Variants in CTNNA1 observed in about 807,000 individuals in gnomAD.
The protein encoded by CTNNA1 is catenin alpha-1.
In CTNNA1, 37 loss-of-function variants were observed where a neutral mutation model predicts 98.4. That is an observed-to-expected ratio of 0.38 (90% CI 0.29 to 0.49). The LOEUF is 0.49. CTNNA1 is among the 20% of genes least tolerant of loss of function. CTNNA1 has a pLI of 0.95. For missense variants in CTNNA1, 761 were observed against 1,147.2 expected (o/e 0.66, Z 4.86); for synonymous variants, 404 against 413.2 (o/e 0.98, Z 0.27).
chr5:138,932,376 G>A lies in CTNNA1; in HGVS notation c.2299-202G>A, dbSNP rs138115380. On this transcript the variant is annotated intron_variant, in intron 16 of 17. Coordinates refer to ENST00000302763, the MANE Select transcript of CTNNA1 (RefSeq NM_001903.5). ...GCGGCGCAGTCAGGGTCCCATGGAC[G>A]ACTTCCATCAGCTCACCCGCCTCCA... The A allele has an allele frequency of 1.9e-4, 266 of 1,405,050 alleles. 1 individual carries two copies. In the African/African-American group the frequency reaches 3.4e-3, roughly 18 times the overall value. The allele number at this position is 1,405,050 out of a possible 1,614,324, so 87.0% of individuals were successfully genotyped here.
intron 10 of CTNNA1, among the ~76,000 whole-genome samples, chr5:138,908,153 T>A (rs957567585): frequency 1.1e-4 from 17 of 152,040 alleles, no homozygotes; most frequent in Non-Finnish European, 1.8e-4. Context: ...AATTTTTGTA[T>A]TTTTTAGTAG....
chr5:138,903,895 T>C (rs28363458), intron 9 of CTNNA1, among the ~76,000 whole-genome samples: 1 of 152,346 alleles, frequency 6.6e-6, no homozygotes, highest in African/African-American at 2.4e-5. Flanking sequence ...AAGCATCTAT[T>C]CCCTGTCAAA....
intron 1 of CTNNA1, among the ~76,000 whole-genome samples, chr5:138,756,500 AACAG>A (rs1561489975): frequency 6.6e-6 from 1 of 152,134 alleles, no homozygotes; most frequent in African/African-American, 2.4e-5. Context: ...TGTGGGGCAT[AACAG>A]ACAGCCCTGA....
chr5:138,934,033 A>C lies in CTNNA1; in HGVS notation c.2665A>C (p.Lys889Gln), dbSNP rs1766015674. Residue 889 changes from lysine (K) to glutamine (Q), a missense_variant, in exon 18 of 18, where the codon AAG becomes CAG. Coordinates refer to ENST00000302763, the MANE Select transcript of CTNNA1 (RefSeq NM_001903.5). ...QTKIKRASQK[K>Q]HVNPVQALSE... Reference sequence around the variant, plus strand: ...CAAGATTAAACGGGCATCTCAGAAGAAGCACGTGAACCCGGTGCAGGCCCT... The same window carrying C: ...CAAGATTAAACGGGCATCTCAGAAGCAGCACGTGAACCCGGTGCAGGCCCT... 11 of 1,613,916 alleles carry C rather than the reference A, an allele frequency of 6.8e-6. No individual in the cohort carries two copies. The highest frequency in any genetic ancestry group is 1.3e-5 in the African/African-American group (1 of 74,898).
intron 1 of CTNNA1, among the ~76,000 whole-genome samples, chr5:138,780,744 G>A (rs1250723639): frequency 1.3e-5 from 2 of 151,286 alleles, no homozygotes; most frequent in East Asian, 3.9e-4. Context: ...TCGAACTCCC[G>A]ACCTCAGGTG....
chr5:138,875,557 G>T, intron 7 of CTNNA1: 1 of 985,466 alleles, frequency 1.0e-6, no homozygotes, highest in Non-Finnish European at 1.2e-6. Flanking sequence ...GCAGCAGTGA[G>T]GTTGTAATAA....
chr5:138,820,101 A>G (rs1759879956), intron 5 of CTNNA1, among the ~76,000 whole-genome samples: 1 of 135,778 alleles, frequency 7.4e-6, no homozygotes, highest in African/African-American at 2.7e-5. Flanking sequence ...TTAAACCTGT[A>G]AAGGTAGTCC....
chr5:138,837,385 C>T (rs1432521147), intron 7 of CTNNA1, among the ~76,000 whole-genome samples: 1 of 152,014 alleles, frequency 6.6e-6, no homozygotes, highest in East Asian at 1.9e-4. Context: ...TTTATTGGAA[C>T]ACAGCCATAC....
intron 16 of CTNNA1, chr5:138,931,675 C>T (rs775675998): frequency 1.0e-6 from 1 of 985,354 alleles, no homozygotes; most frequent in Non-Finnish European, 1.2e-6. Context: ...ACTGTGGCCG[C>T]TCCCGATTTC....
chr5:138,925,791 A>G (rs532060619), intron 13 of CTNNA1, among the ~76,000 whole-genome samples: 19 of 152,084 alleles, frequency 1.2e-4, no homozygotes, highest in Non-Finnish European at 2.4e-4. Context: ...CTCTCTTCGG[A>G]GGGGCTGCAG....
intron 7 of CTNNA1, among the ~76,000 whole-genome samples, chr5:138,844,097 A>G (rs1762497064): frequency 7.5e-6 from 1 of 133,558 alleles, no homozygotes; most frequent in African/African-American, 2.8e-5. Context: ...AGTTTGTGGA[A>G]AGCAAAGGAA....
At chr5:138,879,262 G>A (rs1371325118) in intron 7 of CTNNA1, among the ~76,000 whole-genome samples, 1 of 150,418 alleles carries the variant, frequency 6.6e-6, no homozygotes, top group Non-Finnish European at 1.5e-5. Flanking sequence ...ACCTTTTAAG[G>A]TGTTAACTGG....
chr5:138,765,581 T>C (rs1429059902), intron 1 of CTNNA1, among the ~76,000 whole-genome samples: 2 of 152,176 alleles, frequency 1.3e-5, no homozygotes, highest in Non-Finnish European at 1.5e-5. Context: ...TGGAGGGATG[T>C]TAATGTGTAA....
At chr5:138,810,902 G>A (rs1358146381) in intron 4 of CTNNA1, among the ~76,000 whole-genome samples, 25 of 150,702 alleles carry the variant, frequency 1.7e-4, no homozygotes, top group Admixed American at 9.9e-4. Context: ...CGCACGGGGC[G>A]GCTGGCCGGG....
At chr5:138,779,119 T>G (rs112444317) in intron 1 of CTNNA1, among the ~76,000 whole-genome samples, 17 of 152,158 alleles carry the variant, frequency 1.1e-4, no homozygotes, top group African/African-American at 3.4e-4. Context: ...CCTCAGGTGA[T>G]CCACCCACTT....
At chr5:138,861,579 C>T (rs1764285389) in intron 7 of CTNNA1, among the ~76,000 whole-genome samples, 1 of 152,196 alleles carries the variant, frequency 6.6e-6, no homozygotes, top group South Asian at 2.1e-4. Flanking sequence ...TCACATTCCC[C>T]ACTCCCAATT....
At chr5:138,796,969 AT>A (rs34388675) in intron 3 of CTNNA1, among the ~76,000 whole-genome samples, 103,681 of 152,040 alleles carry the variant, frequency 0.68, 35,574 homozygotes, top group East Asian at 0.93. Context: ...TCTACAGAAA[AT>A]TTTAAAAATG....
intron 6 of CTNNA1, among the ~76,000 whole-genome samples, chr5:138,827,025 C>T (rs1760793944): frequency 6.6e-6 from 1 of 152,242 alleles, no homozygotes; most frequent in African/African-American, 2.4e-5. Flanking sequence ...AACAATCCTC[C>T]TTCAATCTCT....
chr5:138,799,890 A>G (rs1481845107), intron 3 of CTNNA1, among the ~76,000 whole-genome samples: 3 of 138,718 alleles, frequency 2.2e-5, no homozygotes, highest in African/African-American at 9.5e-5. Context: ...GTATGTATGT[A>G]TGTGTGTGTG....
Sources: gnomAD v4.1 joint callset for allele counts (sites outside exome capture counted in the v4.1 genomes callset) on GRCh38, gnomAD v4.1.1 for gene constraint, MANE v1.5 for transcripts, NCBI Gene and HGNC (gene_info 2026-07-23, HGNC 2026-07-21) for gene names.